The following GGTA1 variants were observed in gnomAD, a reference collection of about 807,000 sequenced individuals.
The protein encoded by GGTA1 is inactive N-acetyllactosaminide alpha-1,3-galactosyltransferase.
Under a neutral mutation model 2.6 loss-of-function variants are expected in GGTA1, and 5 were observed. The observed-to-expected ratio is 1.92, with a 90% CI of 1.00 to 4.04. The LOEUF (loss-of-function observed/expected upper bound fraction) is 4.04, where lower values mean the gene tolerates loss of function less well. Among genes scored for constraint, GGTA1 ranks in the 30% most tolerant of loss-of-function variants. The pLI is 0.00. For synonymous variants in GGTA1, 17 were observed against 5.0 expected (o/e 3.38, Z -3.19); for missense variants, 50 against 16.7 (o/e 2.99, Z -3.47).
At chr9:121,449,632 G>C (rs917165094) in intron 7 of GGTA1, among the ~76,000 whole-genome samples, 2 of 152,108 alleles carry the variant, frequency 1.3e-5, no homozygotes, top group Non-Finnish European at 2.9e-5. Flanking sequence ...ACAAGGTCAG[G>C]AGTTTGAGAC....
chr9:121,450,236 G>A (rs1279651855), downstream of GGTA1, among the ~76,000 whole-genome samples: 1 of 151,858 alleles, frequency 6.6e-6, no homozygotes, highest in Non-Finnish European at 1.5e-5. Flanking sequence ...CTTCAGTGTG[G>A]CTCTGTGGCT....
chr9:121,491,431 T>C (rs778971265), intron 1 of GGTA1, among the ~76,000 whole-genome samples: 1 of 152,104 alleles, frequency 6.6e-6, no homozygotes. Context: ...AGCAGGACGA[T>C]TGATTCTCCT....
In GGTA1 at chr9:121,470,738, C is replaced by A. The variant is rs552801705; in HGVS notation, c.-9-2807G>T. Among the ~76,000 whole-genome samples the A allele has an allele frequency of 2.6e-5, 4 of 152,296 alleles. No homozygotes were observed. The East Asian group carries it at 7.7e-4, about 29-fold the overall frequency. On this transcript the variant is annotated intron_variant, in intron 1 of 5. Transcript: ENST00000481799. ...ATTTAGTTTATAGTTTAAATAATAG[C>A]CCTTCCCAAAAGCTAAACTGTTCTT...
downstream of GGTA1, among the ~76,000 whole-genome samples, chr9:121,450,325 G>A (rs2064872383): frequency 6.6e-6 from 1 of 151,938 alleles, no homozygotes; most frequent in Non-Finnish European, 1.5e-5. Flanking sequence ...ACAATACTGG[G>A]GTGGGGTGGC....
At chr9:121,455,997 G>A (rs2064908426) in intron 5 of GGTA1, among the ~76,000 whole-genome samples, 156 bp from the exon 6 acceptor site, 1 of 152,196 alleles carries the variant, frequency 6.6e-6, no homozygotes, top group Non-Finnish European at 1.5e-5. Flanking sequence ...GCAGGCAGCT[G>A]GGGAGATGGG....
chr9:121,447,371 T>A (rs1471670086), exon 8 of GGTA1: 1 of 152,620 alleles, frequency 6.6e-6, no homozygotes, highest in African/African-American at 2.4e-5. Flanking sequence ...TCGTGTTGGA[T>A]GTGGGCCAAG....
At chr9:121,478,902 A>G (rs1428831164) in intron 1 of GGTA1, among the ~76,000 whole-genome samples, 1 of 151,904 alleles carries the variant, frequency 6.6e-6, no homozygotes, top group African/African-American at 2.4e-5. Context: ...ATGCTACACA[A>G]TTCTGAGAGG....
intron 1 of GGTA1, among the ~76,000 whole-genome samples, chr9:121,498,604 G>A (rs768880731): frequency 2.4e-4 from 36 of 152,176 alleles, no homozygotes; most frequent in Non-Finnish European, 4.1e-4. Flanking sequence ...GGCAGCAAGC[G>A]GCAGGCCAGG....
Position 121,448,074 on chromosome 9 carries a change from C to A in GGTA1, c.*119-477G>T, listed in dbSNP as rs115282842. On this transcript the variant is annotated intron_variant and NMD_transcript_variant, in intron 7 of 7. Transcript: ENST00000481534. ...TAAGTCTTTCTAACTCTGGGGGTTA[C>A]ATATTTAGGAGGCCCAGGGTTTGCA... Among the ~76,000 whole-genome samples the A allele has an allele frequency of 8.3e-3, 1,271 of 152,232 alleles. 19 individuals carry two copies. The highest frequency in any genetic ancestry group is 0.029 in the African/African-American group (1,210 of 41,526).
At chr9:121,464,119 T>C (rs1304677019) in intron 2 of GGTA1, among the ~76,000 whole-genome samples, 1 of 152,178 alleles carries the variant, frequency 6.6e-6, no homozygotes, top group Non-Finnish European at 1.5e-5. Flanking sequence ...AACAGCACAA[T>C]GGTCACAGCA....
At position 121,465,074 on chromosome 9, in the gene GGTA1, C is replaced by T. The variant is rs537578423; in HGVS notation, c.81-1746G>A. ...TGCAGATGTTCAAGTGGATTCTGCA[C>T]ATCAGAGGATGTTGTGGCCAGAGTC... On this transcript the variant is annotated intron_variant, in intron 2 of 5. Coordinates refer to ENST00000481799, the MANE Select transcript of GGTA1 (RefSeq NM_001382585.1). Among the ~76,000 whole-genome samples the T allele has an allele frequency of 2.0e-5, 3 of 151,778 alleles. No homozygotes were observed. In the South Asian group the frequency reaches 6.2e-4, roughly 32 times the overall value.
At chr9:121,487,780 AT>A (rs1828792316) in intron 1 of GGTA1, among the ~76,000 whole-genome samples, 1 of 149,994 alleles carries the variant, frequency 6.7e-6, no homozygotes, top group Non-Finnish European at 1.5e-5. Flanking sequence ...CAGTGGCATG[AT>A]CCCAGCTCAC....
chr9:121,457,422 C>T (rs776142381), intron 5 of GGTA1, among the ~76,000 whole-genome samples: 9 of 152,180 alleles, frequency 5.9e-5, no homozygotes, highest in African/African-American at 9.6e-5. Context: ...GTGTATAAGC[C>T]GGGCGTGGTG....
intron 2 of GGTA1, among the ~76,000 whole-genome samples, chr9:121,466,188 G>C (rs988082260): frequency 6.6e-6 from 1 of 152,154 alleles, no homozygotes; most frequent in Non-Finnish European, 1.5e-5. Flanking sequence ...CCAAAGTGTT[G>C]GGATTACAGG....
At chr9:121,453,894 C>T (rs1435143178), downstream of GGTA1, among the ~76,000 whole-genome samples, 2 of 152,156 alleles carry the variant, frequency 1.3e-5, no homozygotes, top group Admixed American at 1.3e-4. Context: ...GTAGACTCTC[C>T]TCTCGGGCCT....
At chr9:121,493,939 T>C (rs1055483576) in intron 1 of GGTA1, among the ~76,000 whole-genome samples, 1 of 152,052 alleles carries the variant, frequency 6.6e-6, no homozygotes, top group African/African-American at 2.4e-5. Context: ...GTATTTTCAG[T>C]AGAGACGGGG....
rs529344032 is a variant in GGTA1, at chr9:121,460,278, G to T, written c.183-59C>A. The T allele has an allele frequency of 6.6e-6, 3 of 455,124 alleles. No homozygotes were observed. In the East Asian group the frequency reaches 2.1e-4, roughly 32 times the overall value. The allele number at this position is 455,124 out of a possible 1,614,324, so 28.2% of individuals were successfully genotyped here. A position where few individuals can be genotyped will look rare whatever the true frequency, so the allele number is the denominator to read the frequency against. On this transcript the variant is annotated intron_variant, in intron 4 of 5. Transcript: ENST00000481799. Reference sequence around the variant, plus strand: ...AGGGAAGGTGATTGCGGTGGTCAGAGAACTGGTGAATATCTTGTGGAAATG... The same window carrying T: ...AGGGAAGGTGATTGCGGTGGTCAGATAACTGGTGAATATCTTGTGGAAATG...
intron 1 of GGTA1, chr9:121,479,410 T>C: frequency 3.5e-6 from 1 of 286,620 alleles, no homozygotes; most frequent in Non-Finnish European, 6.8e-6. Flanking sequence ...CTTTGTTCCT[T>C]GCAGGCCTTT....
At chr9:121,445,353 T>C (rs2064847821) in exon 8 of GGTA1, 1 of 152,202 alleles carries the variant, frequency 6.6e-6, no homozygotes, top group Admixed American at 6.5e-5. Flanking sequence ...TTGTTGGATG[T>C]GAGATTTTCT....
Sources: gnomAD v4.1 joint callset for allele counts (sites outside exome capture counted in the v4.1 genomes callset) on GRCh38, gnomAD v4.1.1 for gene constraint, MANE v1.5 for transcripts, NCBI Gene and HGNC (gene_info 2026-07-23, HGNC 2026-07-21) for gene names.